PKHD1L1: variants seen among roughly 807,000 people sequenced by gnomAD.
The protein encoded by PKHD1L1 is fibrocystin-L.
PKHD1L1 carries 434 observed loss-of-function variants against 462.9 expected under a neutral mutation model. That is an observed-to-expected ratio of 0.94 (90% CI 0.87 to 1.02). The LOEUF (loss-of-function observed/expected upper bound fraction) is 1.02. PKHD1L1 is among the 50% of genes least tolerant of loss of function. PKHD1L1 has a pLI of 0.00. For synonymous variants in PKHD1L1, 1,781 were observed against 1,750.0 expected (o/e 1.02, Z -0.44); for missense variants, 5,202 against 5,096.1 (o/e 1.02, Z -0.63).
rs1241641081 is a variant in PKHD1L1, at chr8:109,467,489, T to C, written c.8605+720T>C. Reference sequence around the variant, plus strand: ...AAAATGGTTCCTAGAGTATAGAGTATCCACATAGTTCCTCCTACTATATTT... The same window carrying C: ...AAAATGGTTCCTAGAGTATAGAGTACCCACATAGTTCCTCCTACTATATTT... On this transcript the variant is annotated intron_variant, in intron 50 of 77. Transcript: ENST00000378402. Among the ~76,000 whole-genome samples, 5 of 149,192 alleles carry C rather than the reference T, an allele frequency of 3.4e-5. No homozygotes were observed. In the East Asian group the frequency reaches 8.0e-4, roughly 24 times the overall value.
Position 109,507,662 on chromosome 8 carries a change from G to C in PKHD1L1, c.10995-1G>C. The C allele has an allele frequency of 6.2e-7, 1 of 1,610,862 alleles. No homozygotes were observed. The highest frequency in any genetic ancestry group is 1.3e-5 in the African/African-American group (1 of 74,962). On this transcript the variant is annotated splice_acceptor_variant, in intron 68 of 77. Transcript: ENST00000378402. LOFTEE classifies it high-confidence loss of function. Reference sequence around the variant, plus strand: ...CTGAATAATTCAACTTTTCTCCACAGTAAGGTCAATCCATCTGATTGTGTA... The same window carrying C: ...CTGAATAATTCAACTTTTCTCCACACTAAGGTCAATCCATCTGATTGTGTA...
chr8:109,490,946 G>A (rs1273150113), intron 60 of PKHD1L1, 26 bp from the exon 61 acceptor site: 1 of 1,533,036 alleles, frequency 6.5e-7, no homozygotes, highest in African/African-American at 1.4e-5. Flanking sequence ...TTTTAAAAAT[G>A]TTCTCTGTAT....
At position 109,519,644 on chromosome 8, in the gene PKHD1L1, T is replaced by C. The variant is rs138538444; in HGVS notation, c.12031+1136T>C. 1.4e-3 allele frequency among the ~76,000 whole-genome samples: 210 copies of C among 152,222 alleles called. 1 individual carries two copies. The highest frequency in any genetic ancestry group is 4.9e-3 in the African/African-American group (203 of 41,540). ...GGCAGGTATCTGTCAGAGGAAGACTTACCATCCAGTTAATGAAGCTTACAC... is the reference window on the plus strand; with the variant it reads ...GGCAGGTATCTGTCAGAGGAAGACTCACCATCCAGTTAATGAAGCTTACAC... On this transcript the variant is annotated intron_variant, in intron 73 of 77. Transcript: ENST00000378402.
intron 16 of PKHD1L1, 55 bp downstream of exon 16, chr8:109,405,185 A>C: frequency 8.9e-7 from 1 of 1,123,176 alleles, no homozygotes. Flanking sequence ...AGATGTAGTC[A>C]TAAAGTATTT....
In PKHD1L1 at chr8:109,477,292, C is replaced by T. The variant is rs1359151218; in HGVS notation, c.8985C>T (p.Asp2995=). ...ISGNLDPDVK[D]VVINFQAYCC... ...GGAACCTGGATCCTGATGTGAAAGA[C>T]GTTGTTATTAATTTCCAAGCTTACT... Residue 2995 remains aspartate, a synonymous_variant, in exon 53 of 78, where the codon GAC becomes GAT. Coordinates refer to ENST00000378402, the MANE Select transcript of PKHD1L1 (RefSeq NM_177531.6). 5.0e-6 allele frequency: 8 copies of T among 1,613,450 alleles called. No homozygotes were observed. Among genetic ancestry groups the T allele is most frequent in the East Asian group, 4.5e-5 (2 of 44,840 alleles).
At chr8:109,461,179 A>C (rs1353700413) in intron 47 of PKHD1L1, among the ~76,000 whole-genome samples, 1 of 152,176 alleles carries the variant, frequency 6.6e-6, no homozygotes, top group Non-Finnish European at 1.5e-5. Context: ...CAATACTATA[A>C]GTAGTTGAAC....
At chr8:109,499,114 G>C (rs188610518) in intron 67 of PKHD1L1, 1 of 195,100 alleles carries the variant, frequency 5.1e-6, no homozygotes, top group Non-Finnish European at 1.1e-5. Context: ...AGAACCTTAA[G>C]CTCAAAGAAC....
At chr8:109,363,912 A>T (rs995706468) in intron 1 of PKHD1L1, among the ~76,000 whole-genome samples, 1 of 152,174 alleles carries the variant, frequency 6.6e-6, no homozygotes, top group African/African-American at 2.4e-5. Context: ...GTCTAACCTA[A>T]GCCTTTGGAA....
At position 109,523,320 on chromosome 8, in the gene PKHD1L1, G is replaced by C; in HGVS notation, c.12418G>C (p.Gly4140Arg). The change falls in exon 76 of 78, where the codon GGA (glycine) becomes CGA (arginine). Residue 4140 changes from glycine (G) to arginine (R), a missense_variant. Coordinates refer to ENST00000378402, the MANE Select transcript of PKHD1L1 (RefSeq NM_177531.6). The part of the protein sequence containing the change: ...SNNNQVNGLS[G>R]NTTIPFSSCW... Reference sequence around the variant, plus strand: ...TAATAACCAAGTCAATGGCCTTAGTGGAAATACAACAATTCCGTTTAGCAG... The same window carrying C: ...TAATAACCAAGTCAATGGCCTTAGTCGAAATACAACAATTCCGTTTAGCAG... The C allele has an allele frequency of 1.2e-6, 2 of 1,612,958 alleles. No individual in the cohort carries two copies. Among genetic ancestry groups the C allele is most frequent in the Non-Finnish European group, 1.7e-6 (2 of 1,179,290 alleles).
intron 11 of PKHD1L1, among the ~76,000 whole-genome samples, chr8:109,397,966 TGG>T (rs1813064034): frequency 6.6e-6 from 1 of 152,202 alleles, no homozygotes; most frequent in Non-Finnish European, 1.5e-5. Context: ...TTTCCTGTTT[TGG>T]TTTCAGTCTG....
intron 18 of PKHD1L1, 53 bp downstream of exon 18, chr8:109,408,259 A>G (rs1267381147): frequency 2.0e-6 from 3 of 1,477,296 alleles, no homozygotes; most frequent in Non-Finnish European, 2.7e-6. Context: ...CTCTCACATC[A>G]TTCATGGGCC....
intron 30 of PKHD1L1, among the ~76,000 whole-genome samples, chr8:109,436,733 A>G (rs1815438003): frequency 6.6e-6 from 1 of 152,236 alleles, no homozygotes; most frequent in Non-Finnish European, 1.5e-5. Context: ...TAATAGAAGT[A>G]GTAACAAAGT....
In PKHD1L1 at chr8:109,409,941, T is replaced by C. The variant is rs199769891; in HGVS notation, c.2048T>C (p.Val683Ala). 6.2e-7 allele frequency: 1 copy of C among 1,604,778 alleles called. No individual in the cohort carries two copies. Among genetic ancestry groups the C allele is most frequent in the Middle Eastern group, 1.7e-4 (1 of 6,022 alleles). ...GCAAATTTTGAAGAAGGATTTGTTG[T>C]GAAATATTTCAGAGACTATGAAACT... ...QIANFEEGFV[V>A]KYFRDYETDF... Residue 683 changes from valine to alanine, a missense_variant, in exon 19 of 78, where the codon GTG becomes GCG. Val to Ala is a moderately conservative substitution (Grantham distance 64, BLOSUM62 0). Around this residue, in one of 3 missense-constraint regions of PKHD1L1, gnomAD observed 4,497 missense variants for 4,336.8 expected, o/e 1.04. Transcript: ENST00000378402.
intron 50 of PKHD1L1, among the ~76,000 whole-genome samples, chr8:109,472,731 C>T (rs1817786796): frequency 6.6e-6 from 1 of 151,704 alleles, no homozygotes; most frequent in South Asian, 2.1e-4. Context: ...AAAAAATCAA[C>T]TGTATAGTAA....
chr8:109,410,111 T>C, intron 19 of PKHD1L1, 133 bp downstream of exon 19: 1 of 540,216 alleles, frequency 1.9e-6, no homozygotes, highest in African/African-American at 2.0e-5. Context: ...AATGACTTTG[T>C]TATACATTTG....
rs1819941339 is a variant in PKHD1L1, at chr8:109,510,919, T to C, written c.11538T>C (p.Asn3846=). The part of the protein sequence containing the change: ...SPQNLRLMLL[N]VDHNKAVLVG... ...AGAATCTTCGACTGATGTTGCTTAA[T>C]GTTGATCATAACAAGGTAGGGCAAG... is the stretch of plus-strand genomic sequence containing the variant. The change falls in exon 71 of 78, where the codon AAT becomes AAC. Residue 3846 remains asparagine, a synonymous_variant. Transcript: ENST00000378402. 2 of 1,612,962 alleles carry C rather than the reference T, an allele frequency of 1.2e-6. No individual in the cohort carries two copies. Among genetic ancestry groups the C allele is most frequent in the Non-Finnish European group, 1.7e-6 (2 of 1,179,294 alleles).
At position 109,364,646 on chromosome 8, in the gene PKHD1L1, C is replaced by CTTTTTTT. The variant is rs60902563; in HGVS notation, c.163+22_163+28dup. 7.4e-5 allele frequency: 76 copies of CTTTTTTT among 1,030,386 alleles called. No individual in the cohort carries two copies. Among genetic ancestry groups the CTTTTTTT allele is most frequent in the South Asian group, 2.4e-4 (13 of 54,942 alleles). 63.8% of individuals were successfully genotyped at this position (1,030,386 alleles called of 1,614,324 possible). On this transcript the variant is annotated intron_variant, in intron 2 of 77. Transcript: ENST00000378402. ...ACTATAAGAGGGGAAGGTATCGTTG[C>CTTTTTTT]TTTTTTTTTTTTTTTTTTGCCAAGG...
At chr8:109,462,166 C>T (rs1817173037) in intron 48 of PKHD1L1, among the ~76,000 whole-genome samples, 1 of 152,118 alleles carries the variant, frequency 6.6e-6, no homozygotes, top group Non-Finnish European at 1.5e-5. Context: ...AGTCTCTTTC[C>T]ATACCTCCAC....
rs893345742 is a variant in PKHD1L1, at chr8:109,496,853, C to T, written c.10328-66C>T. On this transcript the variant is annotated intron_variant, in intron 63 of 77. Coordinates refer to ENST00000378402, the MANE Select transcript of PKHD1L1 (RefSeq NM_177531.6). ...AGAATTTTGTTAACTTTAACTGATA[C>T]TGCTTATTAAAACTATATGACATGA... 39 of 1,472,648 alleles carry T rather than the reference C, an allele frequency of 2.6e-5. 1 individual carries two copies. In the Admixed American group the frequency reaches 4.6e-4, roughly 17 times the overall value. The allele number at this position is 1,472,648 out of a possible 1,614,324, so 91.2% of individuals were successfully genotyped here.
Sources: allele counts gnomAD v4.1 joint callset (sites outside exome capture counted in the v4.1 genomes callset), GRCh38; gene constraint gnomAD v4.1.1; regional missense constraint gnomAD v4.1.1; transcripts MANE v1.5; gene names NCBI Gene and HGNC (gene_info 2026-07-23, HGNC 2026-07-21).